The following CSTB variants were observed in gnomAD, a reference collection of about 807,000 sequenced individuals.
The protein encoded by CSTB is cystatin-B.
Under a neutral mutation model 7.6 loss-of-function variants are expected in CSTB, and 8 were observed. The ratio of observed to expected loss-of-function variants is 1.05; its 90% CI spans 0.62 to 1.89. CSTB has a LOEUF of 1.89. Among genes scored for constraint, CSTB ranks in the 40% most tolerant of loss-of-function variants. CSTB has a pLI of 0.00. For missense variants in CSTB, 124 were observed against 126.4 expected, an observed-to-expected ratio of 0.98 and a Z score of 0.09; for synonymous variants, 56 against 55.3, an observed-to-expected ratio of 1.01 and a Z score of -0.06.
intron 1 of CSTB, chr21:43,775,206 G>C (rs1569005886): frequency 3.7e-6 from 1 of 269,374 alleles, no homozygotes; most frequent in Non-Finnish European, 7.4e-6. Flanking sequence ...CTGGGCAAGA[G>C]TGAGACTGAG....
Position 43,774,590 on chromosome 21 carries a change from C to T in CSTB, c.168+68G>A, listed in dbSNP as rs1179970570. 23 of 1,391,150 alleles carry T rather than the reference C, an allele frequency of 1.7e-5. 1 individual carries two copies. The highest frequency in any genetic ancestry group is 3.9e-4 in the Middle Eastern group (2 of 5,170). 86.2% of individuals were successfully genotyped at this position (1,391,150 alleles called of 1,614,324 possible). The stretch of plus-strand genomic sequence containing the variant: ...CCCCAGCACCTAAGACCACACAGCC[C>T]GGGCCTGCACAGGCGGTTTCCTACC... On this transcript the variant is annotated intron_variant, in intron 2 of 2. Coordinates refer to ENST00000291568, the MANE Select transcript of CSTB (RefSeq NM_000100.4).
In CSTB at chr21:43,774,085, A is replaced by G; in HGVS notation, c.*117T>C. On this transcript the variant is annotated 3_prime_UTR_variant, in exon 3 of 3. Transcript: ENST00000291568. ...GCAGCTGCAGAATCCTGCCCCTTCCACCCCAAGGGGCACAGCCCGGAGATG... is the reference window on the plus strand; with the variant it reads ...GCAGCTGCAGAATCCTGCCCCTTCCGCCCCAAGGGGCACAGCCCGGAGATG... The G allele has an allele frequency of 7.3e-7, 1 of 1,364,500 alleles. No individual in the cohort carries two copies. Among genetic ancestry groups the G allele is most frequent in the Non-Finnish European group, 1.0e-6 (1 of 958,658 alleles). 84.5% of individuals were successfully genotyped at this position (1,364,500 alleles called of 1,614,324 possible).
chr21:43,774,353 G>T (rs374318864), intron 2 of CSTB, 23 bp from the exon 3 acceptor site: 3 of 1,613,916 alleles, frequency 1.9e-6, no homozygotes, highest in East Asian at 4.5e-5. Context: ...CGGAGTGAGC[G>T]AAGCCTCTGA....
intron 1 of CSTB, 189 bp downstream of exon 1, chr21:43,776,015 C>A (rs753454913): frequency 2.0e-5 from 10 of 496,300 alleles, no homozygotes; most frequent in Non-Finnish European, 3.5e-5. Flanking sequence ...AGCGGCGCCC[C>A]AGGCGCGGCC....
rs1400814522 is a variant in CSTB, at chr21:43,776,208, T to A, written c.62A>T (p.Asp21Val). ...PATAETQHIA[D>V]QVRSQLEEKE... ...CCGTCCCCGCGGCCCACCCACCTGG[T>A]CGGCGATGTGCTGGGTCTCGGCGGT... The change falls in exon 1 of 3, where the codon GAC (aspartate) becomes GTC (valine). Residue 21 changes from aspartate (D) to valine (V), a missense_variant. Asp to Val is a radical substitution (Grantham distance 152). Transcript: ENST00000291568. 1 of 1,531,594 alleles carries A rather than the reference T, an allele frequency of 6.5e-7. No homozygotes were observed. Among genetic ancestry groups the A allele is most frequent in the Non-Finnish European group, 8.7e-7 (1 of 1,143,046 alleles). 94.9% of individuals were successfully genotyped at this position (1,531,594 alleles called of 1,614,324 possible).
intron 1 of CSTB, 150 bp downstream of exon 1, chr21:43,776,054 G>T: frequency 1.6e-6 from 1 of 632,924 alleles, no homozygotes; most frequent in Non-Finnish European, 2.5e-6. Context: ...CGCAGCGCCC[G>T]AGCGGAGGGA....
chr21:43,774,631 C>A lies in CSTB; in HGVS notation c.168+27G>T, dbSNP rs746739128. 3.8e-6 allele frequency: 6 copies of A among 1,578,482 alleles called. No homozygotes were observed. The East Asian group carries it at 1.1e-4, about 29-fold the overall frequency. On this transcript the variant is annotated intron_variant, in intron 2 of 2. Coordinates refer to ENST00000291568, the MANE Select transcript of CSTB (RefSeq NM_000100.4). ...GTTTCCTACCAGCACCCGTTCGGGG[C>A]AGGCCCTCCTGAGGCCCACACTCTA...
chr21:43,776,154 T>A, intron 1 of CSTB, 50 bp downstream of exon 1: 1 of 1,480,440 alleles, frequency 6.8e-7, no homozygotes, highest in Non-Finnish European at 9.0e-7. Context: ...GGCCGCGCCC[T>A]GAGGCTAAGG....
chr21:43,775,839 C>T (rs1569006136), intron 1 of CSTB: 2 of 229,414 alleles, frequency 8.7e-6, no homozygotes, highest in Non-Finnish European at 1.7e-5. Context: ...CGGCTGCTCA[C>T]CTGCGCCATC....
chr21:43,774,335 G>A lies in CSTB; in HGVS notation c.169-5C>T. The stretch of plus-strand genomic sequence containing the variant: ...GTCCTCGTCGCCGACGTGCACCTGG[G>A]AAGAGAGCGGAGTGAGCGAAGCCTC... On this transcript the variant is annotated splice_region_variant and splice_polypyrimidine_tract_variant and intron_variant, in intron 2 of 2. Transcript: ENST00000291568. The A allele has an allele frequency of 6.2e-7, 1 of 1,614,182 alleles. No individual in the cohort carries two copies. Among genetic ancestry groups the A allele is most frequent in the Non-Finnish European group, 8.5e-7 (1 of 1,180,042 alleles).
Position 43,776,287 on chromosome 21 carries a change from G to A in CSTB, c.-18C>T, listed in dbSNP as rs1313212349. 2.0e-6 allele frequency: 3 copies of A among 1,528,746 alleles called. No homozygotes were observed. The highest frequency in any genetic ancestry group is 2.4e-5 in the South Asian group (2 of 82,290). The allele number at this position is 1,528,746 out of a possible 1,614,324, so 94.7% of individuals were successfully genotyped here. ...CACATCATCTTGGCGGCGACGGAGG[G>A]AATCTGGCGAGGGGACTCGGCGAGG... On this transcript the variant is annotated 5_prime_UTR_variant, in exon 1 of 3. Coordinates refer to ENST00000291568, the MANE Select transcript of CSTB (RefSeq NM_000100.4).
intron 1 of CSTB, 84 bp downstream of exon 1, chr21:43,776,120 G>T (rs2084008826): frequency 7.8e-7 from 1 of 1,287,918 alleles, no homozygotes; most frequent in Non-Finnish European, 1.1e-6. Flanking sequence ...GGGCCAAAGC[G>T]GCTTCTTTCG....
intron 1 of CSTB, chr21:43,775,303 C>G (rs1346536090): frequency 5.0e-6 from 1 of 200,814 alleles, no homozygotes; most frequent in Non-Finnish European, 1.0e-5. Context: ...CCAACCATGA[C>G]AGCGAGGCGG....
Position 43,774,382 on chromosome 21 carries a change from C to T in CSTB, c.169-52G>A, listed in dbSNP as rs759601624. 15 of 1,613,280 alleles carry T rather than the reference C, an allele frequency of 9.3e-6. No homozygotes were observed. In the African/African-American group the frequency reaches 1.3e-4, roughly 14 times the overall value. On this transcript the variant is annotated intron_variant, in intron 2 of 2. Coordinates refer to ENST00000291568, the MANE Select transcript of CSTB (RefSeq NM_000100.4). ...CCTCTGATCCCAAGTCACCTTGCTGCGCCCCTCCAGGTCATTAGCAGCCAG... is the reference window on the plus strand; with the variant it reads ...CCTCTGATCCCAAGTCACCTTGCTGTGCCCCTCCAGGTCATTAGCAGCCAG...
chr21:43,776,037 A>ACTCGCGCGCAGCG, intron 1 of CSTB, 167 bp downstream of exon 1: 1 of 549,798 alleles, frequency 1.8e-6, no homozygotes, highest in Non-Finnish European at 3.0e-6. Flanking sequence ...CCCGCTGCTC[A>ACTCGCGCGCAGCG]CTCGCGCGCA....
chr21:43,774,201 A>G lies in CSTB; in HGVS notation c.*1T>C. ...CTGAAGGGCCTTGTCCAAAGTCAGG[A>G]TCAGAAATAGGTCAGCTCATCATGC... On this transcript the variant is annotated 3_prime_UTR_variant, in exon 3 of 3. Coordinates refer to ENST00000291568, the MANE Select transcript of CSTB (RefSeq NM_000100.4). 6.2e-7 allele frequency: 1 copy of G among 1,614,216 alleles called. No homozygotes were observed. Among genetic ancestry groups the G allele is most frequent in the Non-Finnish European group, 8.5e-7 (1 of 1,180,036 alleles).
chr21:43,774,154 G>A lies in CSTB; in HGVS notation c.*48C>T. The A allele has an allele frequency of 1.2e-6, 2 of 1,613,492 alleles. No homozygotes were observed. Among genetic ancestry groups the A allele is most frequent in the Non-Finnish European group, 1.7e-6 (2 of 1,179,436 alleles). ...CAAGTGCACGCTCTGGTAGACGGAG[G>A]ATGACTTTGTCAGTCTTCTGGCTGA... On this transcript the variant is annotated 3_prime_UTR_variant, in exon 3 of 3. Transcript: ENST00000291568.
At position 43,774,365 on chromosome 21, in the gene CSTB, C is replaced by T. The variant is rs746805808; in HGVS notation, c.169-35G>A. ...GAGCGGAGTGAGCGAAGCCTCTGAT[C>T]CCAAGTCACCTTGCTGCGCCCCTCC... is the stretch of plus-strand genomic sequence containing the variant. On this transcript the variant is annotated intron_variant, in intron 2 of 2. Coordinates refer to ENST00000291568, the MANE Select transcript of CSTB (RefSeq NM_000100.4). 14 of 1,613,786 alleles carry T rather than the reference C, an allele frequency of 8.7e-6. No individual in the cohort carries two copies. The African/African-American group carries it at 1.7e-4, about 20-fold the overall frequency.
chr21:43,774,444 G>T (rs564573802), intron 2 of CSTB, 114 bp from the exon 3 acceptor site: 145 of 1,523,628 alleles, frequency 9.5e-5, no homozygotes, highest in Non-Finnish European at 1.3e-4. Context: ...ATGTGCAGGG[G>T]ATGCCTCACA....
Sources: gnomAD v4.1 joint callset for allele counts on GRCh38, gnomAD v4.1.1 for gene constraint, MANE v1.5 for transcripts, NCBI Gene and HGNC (gene_info 2026-07-23, HGNC 2026-07-21) for gene names.